LARP1: variants seen among roughly 807,000 people sequenced by gnomAD.
LARP1 encodes la-related protein 1.
In LARP1, 36 loss-of-function variants were observed where a neutral mutation model predicts 122.7. The ratio of observed to expected loss-of-function variants is 0.29; its 90% CI spans 0.22 to 0.39. The LOEUF (loss-of-function observed/expected upper bound fraction) is 0.39, where lower values mean the gene tolerates loss of function less well. Among genes scored for constraint, LARP1 ranks in the 10% least tolerant of loss-of-function variants. The pLI is 1.00. For missense variants in LARP1, 1,040 were observed against 1,403.6 expected (o/e 0.74, Z 4.14); for synonymous variants, 539 against 528.7 (o/e 1.02, Z -0.27).
intron 1 of LARP1, among the ~76,000 whole-genome samples, chr5:154,774,996 T>A (rs1297579981): frequency 6.6e-6 from 1 of 152,070 alleles, no homozygotes; most frequent in Non-Finnish European, 1.5e-5. Flanking sequence ...GAATGGTCGG[T>A]GCTGCCAGGG....
chr5:154,741,696 G>A (rs1223273820), intron 1 of LARP1, among the ~76,000 whole-genome samples: 3 of 151,880 alleles, frequency 2.0e-5, no homozygotes, highest in Non-Finnish European at 4.4e-5. Flanking sequence ...TGCAAGAAAC[G>A]GGGGGAAAAT....
At chr5:154,767,873 T>C (rs1214167803) in intron 1 of LARP1, among the ~76,000 whole-genome samples, 3 of 152,126 alleles carry the variant, frequency 2.0e-5, no homozygotes, top group Admixed American at 6.5e-5. Context: ...TATGGGAGGC[T>C]GGATGCTGCT....
chr5:154,710,263 A>G (rs1291777477), upstream of LARP1, among the ~76,000 whole-genome samples: 1 of 152,144 alleles, frequency 6.6e-6, no homozygotes, highest in African/African-American at 2.4e-5. Flanking sequence ...AAAACAGTAA[A>G]CAGAGCTAGG....
chr5:154,751,557 ATGGTCATTACTGACTATT>A (rs1386315066), upstream of LARP1, among the ~76,000 whole-genome samples: 1 of 152,162 alleles, frequency 6.6e-6, no homozygotes, highest in African/African-American at 2.4e-5. Context: ...TCATTACTAA[ATGGTCATTACTGACTATT>A]TGGTCATTAC....
At chr5:154,775,754 A>G (rs1393098706) in intron 1 of LARP1, among the ~76,000 whole-genome samples, 3 of 152,188 alleles carry the variant, frequency 2.0e-5, no homozygotes, top group Non-Finnish European at 4.4e-5. Flanking sequence ...TTTTGGGGAC[A>G]AGAACCTAAT....
At chr5:154,804,922 A>G (rs921001934) in intron 14 of LARP1, 1 of 456,146 alleles carries the variant, frequency 2.2e-6, no homozygotes, top group African/African-American at 2.0e-5. Context: ...TCTTTGAACA[A>G]CGAAGGGCGT....
chr5:154,737,095 C>G (rs1022558593), intron 1 of LARP1, among the ~76,000 whole-genome samples: 3 of 152,124 alleles, frequency 2.0e-5, no homozygotes, highest in African/African-American at 7.2e-5. Flanking sequence ...GGCTGGAGTG[C>G]AATGGCACAA....
intron 18 of LARP1, among the ~76,000 whole-genome samples, chr5:154,811,862 G>A (rs1394609021): frequency 6.6e-6 from 1 of 152,092 alleles, no homozygotes; most frequent in African/African-American, 2.4e-5. Flanking sequence ...CCCTTTCTGT[G>A]GTACCATCAT....
In LARP1 at chr5:154,814,996, A is replaced by AT. The variant is rs1181085279; in HGVS notation, c.*907dup. 1 of 151,960 alleles carries AT rather than the reference A, an allele frequency of 6.6e-6. No homozygotes were observed. The allele number at this position is 151,960 out of a possible 1,614,324, so 9.4% of individuals were successfully genotyped here. On this transcript the variant is annotated 3_prime_UTR_variant, in exon 19 of 19. Coordinates refer to ENST00000518297, the MANE Select transcript of LARP1 (RefSeq NM_033551.3). ...TTTTTGTTTTGTTTTTGGAAATAATATTTTTTTAAAAGTTGCCTTATTGTG... is the reference window on the plus strand; with the variant it reads ...TTTTTGTTTTGTTTTTGGAAATAATATTTTTTTTAAAAGTTGCCTTATTGTG...
In LARP1 at chr5:154,803,352, C is replaced by T. The variant is rs975822424; in HGVS notation, c.2172C>T (p.Thr724=). 1.2e-6 allele frequency: 2 copies of T among 1,613,986 alleles called. No homozygotes were observed. Among genetic ancestry groups the T allele is most frequent in the Non-Finnish European group, 1.7e-6 (2 of 1,180,016 alleles). Residue 724 remains threonine (T), a synonymous_variant, in exon 12 of 19, where the codon ACC becomes ACT. Coordinates refer to ENST00000518297, the MANE Select transcript of LARP1 (RefSeq NM_033551.3). This position sits in a 1 kb window ranked among gnomAD's most constrained non-coding sequence, Gnocchi z 4.4. ...MISREQFDTL[T]PEPPVDPNQE... is the part of the protein sequence containing the mutation. The stretch of plus-strand genomic sequence containing the variant: ...GCCGGGAGCAGTTTGACACACTGAC[C>T]CCTGAGCCCCCTGTGGATCCCAACC...
At chr5:154,687,054 G>A (rs1306462031) in intron 1 of LARP1, among the ~76,000 whole-genome samples, 1 of 152,230 alleles carries the variant, frequency 6.6e-6, no homozygotes, top group East Asian at 1.9e-4. Context: ...CAAGAGGCAG[G>A]GGTGGGTCTG....
intron 1 of LARP1, among the ~76,000 whole-genome samples, chr5:154,702,885 C>T (rs998145486): frequency 4.6e-5 from 7 of 151,240 alleles, no homozygotes; most frequent in Admixed American, 1.3e-4. Context: ...TTTGGGAGGC[C>T]GAGGTGGGCG....
In LARP1 at chr5:154,756,755, A is replaced by G. The variant is rs868529289; in HGVS notation, c.436+562A>G. On this transcript the variant is annotated intron_variant, in intron 1 of 18. Transcript: ENST00000518297. ...GATGAAATTGGGCTTTAGAATCGCC[A>G]TTTGGAGACGGGTTGAGGGGTCAGT... 7.2e-5 allele frequency among the ~76,000 whole-genome samples: 11 copies of G among 152,248 alleles called. No homozygotes were observed. The Middle Eastern group carries it at 0.01, about 141-fold the overall frequency.
At chr5:154,719,733 A>G (rs911059854) in intron 1 of LARP1, among the ~76,000 whole-genome samples, 1 of 151,958 alleles carries the variant, frequency 6.6e-6, no homozygotes, top group African/African-American at 2.4e-5. Flanking sequence ...ACGGTGGCAC[A>G]TGCCTGTAAT....
chr5:154,788,324 G>C (rs1310353591), intron 1 of LARP1, among the ~76,000 whole-genome samples: 1 of 152,194 alleles, frequency 6.6e-6, no homozygotes, highest in Non-Finnish European at 1.5e-5. Flanking sequence ...GTGGGATGCT[G>C]TTGGCTGGGT....
chr5:154,792,498 T>C (rs1582426298), intron 3 of LARP1, 124 bp from the exon 4 acceptor site: 3 of 839,420 alleles, frequency 3.6e-6, no homozygotes, highest in Non-Finnish European at 5.8e-6. Context: ...TTAGAATACA[T>C]CCCATCCAGC....
At chr5:154,710,619 T>A (rs1481213625), upstream of LARP1, among the ~76,000 whole-genome samples, 2 of 151,690 alleles carry the variant, frequency 1.3e-5, no homozygotes, top group Admixed American at 1.3e-4. Flanking sequence ...GGCGTGCACC[T>A]ATAATCCCAG....
intron 1 of LARP1, among the ~76,000 whole-genome samples, chr5:154,687,438 G>A (rs1753987015): frequency 6.6e-6 from 1 of 152,238 alleles, no homozygotes; most frequent in African/African-American, 2.4e-5. Context: ...CCGGAGTGCA[G>A]TGGCGTGATC....
chr5:154,813,982 C>G lies in LARP1; in HGVS notation c.3177C>G (p.Ser1059=), dbSNP rs1327930259. 1 of 1,614,108 alleles carries G rather than the reference C, an allele frequency of 6.2e-7. No homozygotes were observed. Among genetic ancestry groups the G allele is most frequent in the South Asian group, 1.1e-5 (1 of 91,084 alleles). The part of the protein sequence containing the change: ...EGRKRCPSQS[S]SRPAAMISQP... ...GGAAGCGGTGCCCCTCCCAGTCTTC[C>G]AGCAGGCCTGCTGCCATGATCAGCC... is the stretch of plus-strand genomic sequence containing the variant. The change falls in exon 19 of 19, where the codon TCC becomes TCG. Residue 1059 remains serine, a synonymous_variant. Transcript: ENST00000518297.
Sources: gnomAD v4.1 joint callset for allele counts (sites outside exome capture counted in the v4.1 genomes callset) on GRCh38, gnomAD v4.1.1 for gene constraint, Gnocchi (gnomAD v3.1) non-coding constraint, MANE v1.5 for transcripts, NCBI Gene and HGNC (gene_info 2026-07-23, HGNC 2026-07-21) for gene names.